The following ASTN2 variants were observed in gnomAD, a reference collection of about 807,000 sequenced individuals.
ASTN2 encodes the protein astrotactin 2.
A neutral mutation model predicts 139.8 loss-of-function variants in ASTN2; 54 were observed. The observed-to-expected ratio is 0.39, with a 90% confidence interval of 0.31 to 0.48. The LOEUF is 0.48. Ranked by LOEUF, ASTN2 falls within the 20% of genes least tolerant of loss-of-function variation. ASTN2 has a pLI of 0.95. For missense variants in ASTN2, 1,565 were observed against 1,725.1 expected (o/e 0.91, Z 1.64); for synonymous variants, 756 against 719.5 (o/e 1.05, Z -0.81).
intron 16 of ASTN2, among the ~76,000 whole-genome samples, chr9:116,660,806 C>A (rs1173106335): frequency 6.6e-6 from 1 of 152,182 alleles, no homozygotes; most frequent in African/African-American, 2.4e-5. Flanking sequence ...TTAATCAAGT[C>A]ACTTCACCTC....
At chr9:117,073,254 T>C (rs1055657912) in intron 5 of ASTN2, among the ~76,000 whole-genome samples, 29 of 152,188 alleles carry the variant, frequency 1.9e-4, no homozygotes, top group African/African-American at 7.0e-4. Context: ...CAGGCCTGGC[T>C]GACCTCCCCC....
intron 19 of ASTN2, among the ~76,000 whole-genome samples, chr9:116,616,060 C>T (rs1296316393): frequency 6.6e-6 from 1 of 151,984 alleles, no homozygotes; most frequent in African/African-American, 2.4e-5. Flanking sequence ...CTAGCTAGAA[C>T]AATTAGACAA....
At chr9:116,460,210 A>G (rs555286710) in intron 20 of ASTN2, among the ~76,000 whole-genome samples, 1 of 152,246 alleles carries the variant, frequency 6.6e-6, no homozygotes, top group Non-Finnish European at 1.5e-5. Flanking sequence ...AAATTCCTAG[A>G]GATAAAAAGT....
chr9:117,023,880 T>C (rs767838021), intron 6 of ASTN2, among the ~76,000 whole-genome samples: 1 of 152,090 alleles, frequency 6.6e-6, no homozygotes, highest in Non-Finnish European at 1.5e-5. Context: ...TGGAGGCCTC[T>C]AGATGCCAAC....
intron 20 of ASTN2, among the ~76,000 whole-genome samples, chr9:116,470,392 C>A (rs1160506687): frequency 2.0e-5 from 3 of 152,106 alleles, no homozygotes; most frequent in Non-Finnish European, 4.4e-5. Context: ...CAGTTAATAA[C>A]TAGGAAGTTA....
intron 19 of ASTN2, among the ~76,000 whole-genome samples, chr9:116,554,234 T>C (rs556045426): frequency 2.6e-5 from 4 of 152,074 alleles, no homozygotes; most frequent in East Asian, 3.9e-4. Flanking sequence ...GTGAAAAATA[T>C]GTATAATATT....
chr9:116,616,508 C>G (rs1263520890), intron 19 of ASTN2, among the ~76,000 whole-genome samples: 1 of 152,174 alleles, frequency 6.6e-6, no homozygotes, highest in East Asian at 1.9e-4. Context: ...CTGGCTCTGT[C>G]ATACGTGTTT....
At chr9:117,024,616 T>C (rs1838001705) in intron 6 of ASTN2, among the ~76,000 whole-genome samples, 1 of 152,034 alleles carries the variant, frequency 6.6e-6, no homozygotes, top group Non-Finnish European at 1.5e-5. Context: ...GTGATAAAGA[T>C]AAAACAGGAA....
chr9:116,904,919 G>A (rs948722637), intron 10 of ASTN2, among the ~76,000 whole-genome samples: 4 of 152,124 alleles, frequency 2.6e-5, no homozygotes, highest in Admixed American at 6.6e-5. Context: ...TTGTGACTAT[G>A]AGGCCCAGGC....
intron 1 of ASTN2, among the ~76,000 whole-genome samples, chr9:117,406,007 G>A (rs1055512919): frequency 6.6e-6 from 1 of 152,134 alleles, no homozygotes; most frequent in African/African-American, 2.4e-5. Flanking sequence ...CTCTTAACAG[G>A]GTAGTGCAAA....
intron 3 of ASTN2, among the ~76,000 whole-genome samples, chr9:117,155,564 T>G (rs1251112115): frequency 2.0e-5 from 3 of 151,940 alleles, no homozygotes; most frequent in Non-Finnish European, 4.4e-5. Flanking sequence ...CCCCTCTCTG[T>G]GCAACACAGG....
chr9:117,082,267 T>A (rs1356683122), intron 5 of ASTN2, among the ~76,000 whole-genome samples: 1 of 152,174 alleles, frequency 6.6e-6, no homozygotes, highest in African/African-American at 2.4e-5. Flanking sequence ...CCTGGCTGTG[T>A]GATTCTCCCA....
At chr9:117,391,376 C>A (rs1441643613) in intron 1 of ASTN2, among the ~76,000 whole-genome samples, 4 of 152,084 alleles carry the variant, frequency 2.6e-5, no homozygotes, top group African/African-American at 9.7e-5. Context: ...TGAGGCCTCA[C>A]AGTTATGTCA....
intron 20 of ASTN2, among the ~76,000 whole-genome samples, chr9:116,467,463 C>T (rs1042410524): frequency 2.0e-5 from 3 of 152,164 alleles, no homozygotes; most frequent in Non-Finnish European, 2.9e-5. Flanking sequence ...GACAAGGTTT[C>T]ACCATGTTGG....
At chr9:116,721,472 T>C (rs1828471639) in intron 16 of ASTN2, among the ~76,000 whole-genome samples, 1 of 152,130 alleles carries the variant, frequency 6.6e-6, no homozygotes, top group South Asian at 2.1e-4. Context: ...TTTTTCAAAA[T>C]ACAGGGATAT....
In ASTN2 at chr9:116,497,948, A is replaced by G. The variant is rs532337573; in HGVS notation, c.3356-10448T>C. On this transcript the variant is annotated intron_variant, in intron 19 of 22. Coordinates refer to ENST00000313400, the MANE Select transcript of ASTN2 (RefSeq NM_001365068.1). The stretch of plus-strand genomic sequence containing the variant: ...ATTCTCAGTTCCCCTAATACTTCCA[A>G]CTTTCTCTGGGCCAAACACTTCATT... 3.9e-5 allele frequency among the ~76,000 whole-genome samples: 6 copies of G among 152,242 alleles called. 1 individual carries two copies. The South Asian group carries it at 1.0e-3, about 26-fold the overall frequency.
intron 7 of ASTN2, among the ~76,000 whole-genome samples, chr9:116,978,866 T>G (rs1836431594): frequency 6.6e-6 from 1 of 152,150 alleles, no homozygotes; most frequent in South Asian, 2.1e-4. Flanking sequence ...AACAACCTCA[T>G]GCTATTTGCA....
chr9:117,307,322 A>C (rs1293851663), intron 1 of ASTN2, among the ~76,000 whole-genome samples: 7 of 152,234 alleles, frequency 4.6e-5, no homozygotes, highest in Admixed American at 4.6e-4. Context: ...GTATGAATAC[A>C]GACAATAATG....
At chr9:116,964,733 G>T (rs1047467658) in intron 10 of ASTN2, among the ~76,000 whole-genome samples, 14 of 152,218 alleles carry the variant, frequency 9.2e-5, no homozygotes, top group Non-Finnish European at 2.1e-4. Flanking sequence ...GATAGTGCCA[G>T]ACCAGAGAGT....
Sources: allele counts gnomAD v4.1 joint callset (sites outside exome capture counted in the v4.1 genomes callset), GRCh38; gene constraint gnomAD v4.1.1; transcripts MANE v1.5; gene names NCBI Gene and HGNC (gene_info 2026-07-23, HGNC 2026-07-21).